The following BFAR variants were observed in gnomAD, a reference collection of about 807,000 sequenced individuals.
The protein encoded by BFAR is RING finger protein 47.
BFAR carries 52 observed loss-of-function variants against 54.4 expected under a neutral mutation model. That is an observed-to-expected ratio of 0.96 (90% CI 0.77 to 1.21). BFAR has a LOEUF of 1.21. Among genes scored for constraint, BFAR ranks in the 50% most tolerant of loss-of-function variants. BFAR has a pLI of 0.00. For missense variants in BFAR, 571 were observed against 534.0 expected, an observed-to-expected ratio of 1.07 and a Z score of -0.68; for synonymous variants, 215 against 204.3, an observed-to-expected ratio of 1.05 and a Z score of -0.45.
chr16:14,652,878 T>C (rs1196237562), intron 4 of BFAR, among the ~76,000 whole-genome samples: 2 of 152,182 alleles, frequency 1.3e-5, no homozygotes, highest in African/African-American at 4.8e-5. Flanking sequence ...GATTCATTTG[T>C]TTCAGACACC....
chr16:14,646,712 G>T (rs1037891936), intron 2 of BFAR, among the ~76,000 whole-genome samples: 3 of 149,302 alleles, frequency 2.0e-5, no homozygotes, highest in Non-Finnish European at 4.5e-5. Flanking sequence ...TGGTCAGGCT[G>T]GTCTCATACT....
chr16:14,649,716 C>G (rs1959910615), intron 3 of BFAR, 88 bp from the exon 4 acceptor site: 1 of 1,248,956 alleles, frequency 8.0e-7, no homozygotes, highest in Non-Finnish European at 1.1e-6. Context: ...TGAGCTCAGC[C>G]TCTTCCTTTC....
chr16:14,649,949 T>C lies in BFAR; in HGVS notation c.614T>C (p.Phe205Ser), dbSNP rs1413146733. 6.2e-7 allele frequency: 1 copy of C among 1,611,472 alleles called. No homozygotes were observed. Among genetic ancestry groups the C allele is most frequent in the African/African-American group, 1.3e-5 (1 of 74,910 alleles). ...TGGGCATCTCTTTACAGGGAAAGGT[T>C]TTTATCTGAACGAGTAAATGGAAGG... Reference protein sequence around the residue: ...GPWASLYRERFLSERVNGRLL... With the variant: ...GPWASLYRERSLSERVNGRLL... The change falls in exon 4 of 8, where the codon TTT (phenylalanine) becomes TCT (serine). Residue 205 changes from phenylalanine to serine, a missense_variant. Transcript: ENST00000261658.
In BFAR at chr16:14,667,949, T is replaced by C; in HGVS notation, c.*122T>C. The C allele has an allele frequency of 9.2e-7, 1 of 1,086,920 alleles. No homozygotes were observed. The highest frequency in any genetic ancestry group is 1.3e-6 in the Non-Finnish European group (1 of 749,030). The allele number at this position is 1,086,920 out of a possible 1,614,324, so 67.3% of individuals were successfully genotyped here. ...CCCTCAGTAAAACAAGGTGCTGCTT[T>C]GTATATCAAAAGCTCCAACCATGTC... On this transcript the variant is annotated 3_prime_UTR_variant, in exon 8 of 8. Coordinates refer to ENST00000261658, the MANE Select transcript of BFAR (RefSeq NM_016561.3).
Position 14,668,123 on chromosome 16 carries a change from C to A in BFAR, c.*296C>A, listed in dbSNP as rs1272333030. 2 of 408,436 alleles carry A rather than the reference C, an allele frequency of 4.9e-6. No individual in the cohort carries two copies. The highest frequency in any genetic ancestry group is 8.0e-5 in the East Asian group (2 of 25,128). The allele number at this position is 408,436 out of a possible 1,614,324, so 25.3% of individuals were successfully genotyped here. A position where few individuals can be genotyped will look rare whatever the true frequency, so the allele number is the denominator to read the frequency against. ...GCTCAGTCCCCAACGGCTGGCAAGA[C>A]TCAGGGTCCTCAGTGGACATGGTGT... On this transcript the variant is annotated 3_prime_UTR_variant, in exon 8 of 8. Coordinates refer to ENST00000261658, the MANE Select transcript of BFAR (RefSeq NM_016561.3).
chr16:14,661,392 CTT>C (rs774393097), intron 5 of BFAR, among the ~76,000 whole-genome samples: 3 of 65,076 alleles, frequency 4.6e-5, no homozygotes, highest in African/African-American at 1.1e-4. Flanking sequence ...GAGATTGGAT[CTT>C]TTTTTTTTTT....
intron 1 of BFAR, among the ~76,000 whole-genome samples, chr16:14,634,111 A>G (rs535103570): frequency 6.6e-6 from 1 of 152,204 alleles, no homozygotes; most frequent in South Asian, 2.1e-4. Flanking sequence ...AACTGTCGCC[A>G]TTGGGTCCTC....
intron 1 of BFAR, among the ~76,000 whole-genome samples, chr16:14,640,353 A>G (rs1208737549): frequency 1.3e-5 from 2 of 152,124 alleles, no homozygotes; most frequent in South Asian, 2.1e-4. Context: ...GACAGGTGGG[A>G]GAGGAGTGTA....
At chr16:14,635,577 G>A (rs116101647) in intron 1 of BFAR, among the ~76,000 whole-genome samples, 2 of 152,008 alleles carry the variant, frequency 1.3e-5, no homozygotes, top group Admixed American at 1.3e-4. Context: ...GCCCGCCTTC[G>A]TCTTACCCTA....
At chr16:14,636,834 A>G (rs1000634637) in intron 1 of BFAR, among the ~76,000 whole-genome samples, 1 of 152,216 alleles carries the variant, frequency 6.6e-6, no homozygotes, top group Non-Finnish European at 1.5e-5. Context: ...GTCCCTGGGT[A>G]CTTGAGATTA....
chr16:14,664,466 T>C (rs1205747024), intron 6 of BFAR, among the ~76,000 whole-genome samples: 1 of 151,816 alleles, frequency 6.6e-6, no homozygotes, highest in Non-Finnish European at 1.5e-5. Flanking sequence ...TGGATGTGTG[T>C]GTGTGTGTGG....
At chr16:14,647,472 G>A (rs535310176) in intron 2 of BFAR, among the ~76,000 whole-genome samples, 10 of 152,160 alleles carry the variant, frequency 6.6e-5, no homozygotes, top group Middle Eastern at 3.4e-3. Context: ...CGAGGCAGGC[G>A]GATCTCATGA....
chr16:14,665,721 A>G (rs1359733423), intron 7 of BFAR, among the ~76,000 whole-genome samples: 5 of 152,248 alleles, frequency 3.3e-5, no homozygotes, highest in Admixed American at 1.3e-4. Flanking sequence ...CACAAGAAAC[A>G]TTAGATAAAA....
At chr16:14,637,085 ATC>A (rs1186976329) in intron 1 of BFAR, among the ~76,000 whole-genome samples, 4 of 151,978 alleles carry the variant, frequency 2.6e-5, no homozygotes, top group East Asian at 1.9e-4. Flanking sequence ...TAACAATCTG[ATC>A]TCTCTTTCTT....
At chr16:14,655,612 C>T (rs987400353) in intron 5 of BFAR, among the ~76,000 whole-genome samples, 1 of 151,584 alleles carries the variant, frequency 6.6e-6, no homozygotes, top group Non-Finnish European at 1.5e-5. Flanking sequence ...GTTTATGTTT[C>T]TAGTAGAGAT....
At chr16:14,641,839 G>T (rs1349480252) in intron 1 of BFAR, among the ~76,000 whole-genome samples, 3 of 152,166 alleles carry the variant, frequency 2.0e-5, no homozygotes, top group Admixed American at 2.0e-4. Flanking sequence ...TCCAGCCTGG[G>T]CAAAAAGAGC....
chr16:14,658,996 C>G (rs1960206349), intron 5 of BFAR, among the ~76,000 whole-genome samples: 1 of 151,934 alleles, frequency 6.6e-6, no homozygotes, highest in Non-Finnish European at 1.5e-5. Flanking sequence ...CAAACTCCAC[C>G]TCCCAGGTTC....
At chr16:14,655,336 T>G in intron 5 of BFAR, 126 bp downstream of exon 5, 1 of 883,830 alleles carries the variant, frequency 1.1e-6, no homozygotes. Flanking sequence ...ATTTATTTTA[T>G]TTTGAGACAG....
intron 6 of BFAR, among the ~76,000 whole-genome samples, chr16:14,664,239 C>T (rs1960372919): frequency 6.6e-6 from 1 of 151,858 alleles, no homozygotes; most frequent in Non-Finnish European, 1.5e-5. Flanking sequence ...ATGTGCAGAA[C>T]AATTGCTTAG....
Sources: gnomAD v4.1 joint callset for allele counts (sites outside exome capture counted in the v4.1 genomes callset) on GRCh38, gnomAD v4.1.1 for gene constraint, MANE v1.5 for transcripts, NCBI Gene and HGNC (gene_info 2026-07-23, HGNC 2026-07-21) for gene names.